Variants in SDK1 observed in about 807,000 individuals in gnomAD.
The protein encoded by SDK1 is sidekick cell adhesion molecule 1, also known as protein sidekick-1.
SDK1 carries 157 observed loss-of-function variants against 245.5 expected under a neutral mutation model. The ratio of observed to expected loss-of-function variants is 0.64; its 90% CI spans 0.56 to 0.73. The LOEUF is 0.73. Ranked by LOEUF, SDK1 falls within the 30% of genes least tolerant of loss-of-function variation. The pLI is 0.00. For missense variants in SDK1, 3,583 were observed against 3,002.3 expected, an observed-to-expected ratio of 1.19 and a Z score of -4.52; for synonymous variants, 1,647 against 1,278.5, an observed-to-expected ratio of 1.29 and a Z score of -6.15.
intron 5 of SDK1, among the ~76,000 whole-genome samples, chr7:3,827,551 CTT>C (rs1486834494): frequency 1.3e-5 from 2 of 152,228 alleles, no homozygotes; most frequent in Non-Finnish European, 2.9e-5. Flanking sequence ...TGTTTTCAAT[CTT>C]TTGCTGTCTA....
At chr7:4,137,795 C>G (rs1779192176) in intron 28 of SDK1, among the ~76,000 whole-genome samples, 1 of 152,238 alleles carries the variant, frequency 6.6e-6, no homozygotes, top group South Asian at 2.1e-4. Flanking sequence ...ACTGATGTTT[C>G]TGATCTCGCT....
chr7:3,529,611 G>A (rs545677645), intron 1 of SDK1, among the ~76,000 whole-genome samples: 16 of 152,188 alleles, frequency 1.1e-4, no homozygotes, highest in African/African-American at 2.9e-4. Flanking sequence ...GAGTAATGGA[G>A]TGAAAAAAAT....
intron 4 of SDK1, among the ~76,000 whole-genome samples, chr7:3,806,293 TCCACA>T: frequency 8.1e-6 from 1 of 123,676 alleles, no homozygotes; most frequent in African/African-American, 3.8e-5. Context: ...GATGTGGATG[TCCACA>T]TTAGGATGTG....
At chr7:4,015,094 T>G (rs1394010458) in intron 16 of SDK1, among the ~76,000 whole-genome samples, 1 of 152,214 alleles carries the variant, frequency 6.6e-6, no homozygotes, top group Non-Finnish European at 1.5e-5. Context: ...GGGAGTGCTT[T>G]ACACCTTCAC....
At chr7:3,430,753 C>A (rs969220733) in intron 1 of SDK1, among the ~76,000 whole-genome samples, 1 of 152,162 alleles carries the variant, frequency 6.6e-6, no homozygotes, top group Non-Finnish European at 1.5e-5. Flanking sequence ...TGTCTGCTGC[C>A]CTGGGGGCCG....
At chr7:3,557,534 G>C (rs1027881903) in intron 1 of SDK1, among the ~76,000 whole-genome samples, 2 of 152,186 alleles carry the variant, frequency 1.3e-5, no homozygotes, top group Non-Finnish European at 2.9e-5. Context: ...ACCCACACAT[G>C]TGCTAACATT....
At position 4,185,114 on chromosome 7, in the gene SDK1, C is replaced by T. The variant is rs949812561; in HGVS notation, c.5098+6528C>T. 2.6e-5 allele frequency among the ~76,000 whole-genome samples: 4 copies of T among 152,158 alleles called. No individual in the cohort carries two copies. In the East Asian group the frequency reaches 7.7e-4, roughly 29 times the overall value. The stretch of plus-strand genomic sequence containing the variant: ...TGGACCACCTGGGCCAACTGTGAAG[C>T]GAGAGGGTCCCTAGAGGAGATCCAG... On this transcript the variant is annotated intron_variant, in intron 35 of 44. Coordinates refer to ENST00000404826, the MANE Select transcript of SDK1 (RefSeq NM_152744.4).
At chr7:3,565,493 A>T (rs187239393) in intron 1 of SDK1, among the ~76,000 whole-genome samples, 1 of 152,364 alleles carries the variant, frequency 6.6e-6, no homozygotes, top group Non-Finnish European at 1.5e-5. Context: ...AAAGGAATAG[A>T]TAAAATTGTC....
intron 22 of SDK1, among the ~76,000 whole-genome samples, chr7:4,085,550 C>A (rs1356775128): frequency 6.6e-6 from 1 of 151,950 alleles, no homozygotes; most frequent in East Asian, 1.9e-4. Context: ...AATCATTTTA[C>A]ATTTTTTTTA....
chr7:4,244,342 G>C (rs528130055), intron 43 of SDK1, among the ~76,000 whole-genome samples: 41 of 152,318 alleles, frequency 2.7e-4, no homozygotes, highest in African/African-American at 8.9e-4. Flanking sequence ...GTCCCTTTGA[G>C]CACACAGCTG....
At chr7:4,240,292 G>A (rs1488119988) in intron 42 of SDK1, among the ~76,000 whole-genome samples, 1 of 152,096 alleles carries the variant, frequency 6.6e-6, no homozygotes, top group African/African-American at 2.4e-5. Flanking sequence ...CATAATTGAA[G>A]CCGGGAAAAA....
intron 17 of SDK1, among the ~76,000 whole-genome samples, chr7:4,043,166 TATC>T (rs1329346572): frequency 4.0e-5 from 6 of 148,566 alleles, no homozygotes; most frequent in African/African-American, 1.5e-4. Flanking sequence ...GTAGAGTGAG[TATC>T]ATAGCCAGGA....
At chr7:4,062,646 C>T (rs1779613057) in intron 19 of SDK1, among the ~76,000 whole-genome samples, 1 of 152,070 alleles carries the variant, frequency 6.6e-6, no homozygotes, top group Admixed American at 6.6e-5. Context: ...CAGACAAGGA[C>T]ATAACAACAA....
chr7:4,191,209 G>A (rs1451129224), intron 35 of SDK1, among the ~76,000 whole-genome samples: 3 of 151,438 alleles, frequency 2.0e-5, no homozygotes, highest in Non-Finnish European at 4.4e-5. Flanking sequence ...CTCCCCCGCC[G>A]CAGTCACGGT....
chr7:3,613,313 CAGA>C (rs1297293522), intron 1 of SDK1, among the ~76,000 whole-genome samples: 4 of 152,134 alleles, frequency 2.6e-5, no homozygotes, highest in East Asian at 1.9e-4. Context: ...TCTAGATGAG[CAGA>C]AGATTATTCT....
chr7:3,418,794 T>A (rs1204567191), intron 1 of SDK1, among the ~76,000 whole-genome samples: 1 of 152,192 alleles, frequency 6.6e-6, no homozygotes, highest in Non-Finnish European at 1.5e-5. Flanking sequence ...AGTTGACTAT[T>A]CTCAGCACTT....
At chr7:3,998,875 G>C (rs1784870942) in intron 14 of SDK1, among the ~76,000 whole-genome samples, 1 of 152,190 alleles carries the variant, frequency 6.6e-6, no homozygotes, top group Non-Finnish European at 1.5e-5. Context: ...GCTTCCTTTT[G>C]CAAGTGTGCC....
At chr7:3,998,508 G>C (rs184948904) in intron 14 of SDK1, among the ~76,000 whole-genome samples, 1 of 152,092 alleles carries the variant, frequency 6.6e-6, no homozygotes, top group African/African-American at 2.4e-5. Context: ...ATACCCCTAC[G>C]TTTATGTGAG....
chr7:3,693,996 T>A (rs1387331350), intron 4 of SDK1, among the ~76,000 whole-genome samples: 3 of 152,214 alleles, frequency 2.0e-5, no homozygotes, highest in African/African-American at 7.2e-5. Flanking sequence ...TGACTGACTC[T>A]TCCTCCAGAC....
Sources: gnomAD v4.1 joint callset for allele counts (sites outside exome capture counted in the v4.1 genomes callset) on GRCh38, gnomAD v4.1.1 for gene constraint, MANE v1.5 for transcripts, NCBI Gene and HGNC (gene_info 2026-07-23, HGNC 2026-07-21) for gene names.